LEF1: variants seen among roughly 807,000 people sequenced by gnomAD.
LEF1 encodes the protein lymphoid enhancer binding factor 1.
LEF1 carries 14 observed loss-of-function variants against 51.2 expected under a neutral mutation model. That is an observed-to-expected ratio of 0.27 (90% CI 0.18 to 0.43). LEF1 has a LOEUF of 0.43. Ranked by LOEUF, LEF1 falls within the 20% of genes least tolerant of loss-of-function variation. The pLI, the probability that LEF1 is intolerant of heterozygous loss-of-function variation, is 1.00. For synonymous variants in LEF1, 185 were observed against 183.2 expected, an observed-to-expected ratio of 1.01 and a Z score of -0.08; for missense variants, 386 against 512.0, an observed-to-expected ratio of 0.75 and a Z score of 2.37.
In LEF1 at chr4:108,147,259, T is replaced by TA. The variant is rs202246676; in HGVS notation, c.414+16308dup. 1.5e-3 allele frequency among the ~76,000 whole-genome samples: 222 copies of TA among 143,622 alleles called. No individual in the cohort carries two copies. The East Asian group carries it at 0.025, about 16-fold the overall frequency. The allele number at this position is 143,622 out of a possible 152,430, so 94.2% of individuals were successfully genotyped here. ...CACGAGATTAGCAACAATAGAAGCC[T>TA]AAAAAAAAAAAGTCTTTAAAAGGTT... is the stretch of plus-strand genomic sequence containing the variant. On this transcript the variant is annotated intron_variant, in intron 3 of 11. Coordinates refer to ENST00000265165, the MANE Select transcript of LEF1 (RefSeq NM_016269.5).
chr4:108,070,988 T>G, intron 8 of LEF1: 1 of 455,434 alleles, frequency 2.2e-6, no homozygotes, highest in Non-Finnish European at 3.9e-6. Flanking sequence ...TTCTCTGATA[T>G]CACATGAAAC....
At chr4:108,099,467 C>A (rs1740602660) in intron 3 of LEF1, among the ~76,000 whole-genome samples, 1 of 149,472 alleles carries the variant, frequency 6.7e-6, no homozygotes, top group African/African-American at 2.5e-5. Flanking sequence ...ATTTCAATAT[C>A]CCATACTGAG....
chr4:108,136,493 T>C (rs937520957), intron 3 of LEF1, among the ~76,000 whole-genome samples: 1 of 150,858 alleles, frequency 6.6e-6, no homozygotes, highest in African/African-American at 2.4e-5. Context: ...AAACTTTAGA[T>C]GCTTATGCTG....
intron 8 of LEF1, among the ~76,000 whole-genome samples, chr4:108,075,993 G>C (rs1738828404): frequency 6.8e-6 from 1 of 147,132 alleles, no homozygotes; most frequent in Admixed American, 7.0e-5. Flanking sequence ...CTGTTTGCCA[G>C]GACGGTCCCC....
At chr4:108,099,968 C>A (rs749817954) in intron 3 of LEF1, among the ~76,000 whole-genome samples, 86 of 152,200 alleles carry the variant, frequency 5.7e-4, no homozygotes, top group Non-Finnish European at 9.7e-4. Flanking sequence ...TTACAAGTTA[C>A]TGATGAACTC....
chr4:108,090,088 C>A (rs962503512), intron 3 of LEF1, among the ~76,000 whole-genome samples: 1 of 152,016 alleles, frequency 6.6e-6, no homozygotes, highest in Non-Finnish European at 1.5e-5. Context: ...TCAAGTGATT[C>A]TCCTGCCTCA....
chr4:108,162,541 T>C (rs1015624397), intron 3 of LEF1, among the ~76,000 whole-genome samples: 3 of 152,194 alleles, frequency 2.0e-5, no homozygotes, highest in Admixed American at 6.5e-5. Context: ...TGTTTGTGAC[T>C]GATTTTTTTC....
rs1033560487 is a variant in LEF1, at chr4:108,080,882, G to A, written c.722+704C>T. Among the ~76,000 whole-genome samples the A allele has an allele frequency of 1.7e-4, 26 of 151,952 alleles. 1 individual carries two copies. The highest frequency in any genetic ancestry group is 1.4e-3 in the Admixed American group (21 of 15,240). On this transcript the variant is annotated intron_variant, in intron 6 of 11. Transcript: ENST00000265165. Reference sequence around the variant, plus strand: ...CTAGCTCCCTTGACAAAGCCACATCGAACACACAGATGATGCACCCCAAAT... The same window carrying A: ...CTAGCTCCCTTGACAAAGCCACATCAAACACACAGATGATGCACCCCAAAT...
intron 8 of LEF1, among the ~76,000 whole-genome samples, chr4:108,077,179 AT>A (rs1277691540): frequency 8.0e-5 from 12 of 149,896 alleles, no homozygotes; most frequent in African/African-American, 2.2e-4. Context: ...TCTCTACAAA[AT>A]TTTTTTTTTT....
chr4:108,102,353 A>G (rs1740883795), intron 3 of LEF1, among the ~76,000 whole-genome samples: 1 of 152,212 alleles, frequency 6.6e-6, no homozygotes. Context: ...GCTAATCATT[A>G]CAACCTACAG....
At chr4:108,078,189 A>T in intron 8 of LEF1, 31 bp downstream of exon 8, 1 of 1,607,234 alleles carries the variant, frequency 6.2e-7, no homozygotes, top group Non-Finnish European at 8.5e-7. Flanking sequence ...CATGGCTACC[A>T]TGAACATTTA....
At position 108,099,570 on chromosome 4, in the gene LEF1, G is replaced by GTGTGTATA. The variant is rs1266681210; in HGVS notation, c.415-10314_415-10313insTATACACA. Among the ~76,000 whole-genome samples, 23 of 70,188 alleles carry GTGTGTATA rather than the reference G, an allele frequency of 3.3e-4. 1 individual carries two copies. The highest frequency in any genetic ancestry group is 3.8e-4 in the Non-Finnish European group (13 of 34,270). The allele number at this position is 70,188 out of a possible 152,430, so 46.0% of individuals were successfully genotyped here. On this transcript the variant is annotated intron_variant, in intron 3 of 11. Coordinates refer to ENST00000265165, the MANE Select transcript of LEF1 (RefSeq NM_016269.5). ...TGTGTGTGTGTATGTGTGTGTGTGT[G>GTGTGTATA]TATATATATATATATATATATATAT...
intron 9 of LEF1, among the ~76,000 whole-genome samples, chr4:108,067,948 G>A (rs1292571198): frequency 2.0e-5 from 3 of 151,944 alleles, no homozygotes; most frequent in Non-Finnish European, 4.4e-5. Flanking sequence ...GCTCAGGGGT[G>A]AAAATTCTTC....
intron 11 of LEF1, among the ~76,000 whole-genome samples, chr4:108,056,242 G>A (rs1737296263): frequency 6.6e-6 from 1 of 152,220 alleles, no homozygotes; most frequent in South Asian, 2.1e-4. Context: ...AGAACTGAGA[G>A]AGTCAATCTG....
At chr4:108,067,716 T>C (rs1738172931) in intron 9 of LEF1, among the ~76,000 whole-genome samples, 1 of 151,870 alleles carries the variant, frequency 6.6e-6, no homozygotes. Flanking sequence ...TTTTAGTAGA[T>C]ACAGGATTTC....
chr4:108,132,366 T>C (rs368800864), intron 3 of LEF1, among the ~76,000 whole-genome samples: 2 of 152,098 alleles, frequency 1.3e-5, no homozygotes, highest in African/African-American at 4.8e-5. Context: ...TGTCTTGGCA[T>C]CCCAATTAGA....
intron 3 of LEF1, among the ~76,000 whole-genome samples, chr4:108,157,177 TATACAC>T (rs1398710109): frequency 2.9e-4 from 26 of 89,370 alleles, no homozygotes; most frequent in East Asian, 7.5e-4. Flanking sequence ...TCTATATATA[TATACAC>T]ACACACACAC....
chr4:108,089,316 C>A, intron 3 of LEF1, 59 bp from the exon 4 acceptor site: 1 of 1,560,098 alleles, frequency 6.4e-7, no homozygotes, highest in Non-Finnish European at 8.7e-7. Flanking sequence ...GTCTTTTCTC[C>A]CAAAGAAAAA....
At chr4:108,061,272 G>C (rs1461397139) in intron 11 of LEF1, among the ~76,000 whole-genome samples, 1 of 152,118 alleles carries the variant, frequency 6.6e-6, no homozygotes, top group Non-Finnish European at 1.5e-5. Context: ...AGGATAGAGA[G>C]AACATCTTAA....
Sources: allele counts gnomAD v4.1 joint callset (sites outside exome capture counted in the v4.1 genomes callset), GRCh38; gene constraint gnomAD v4.1.1; transcripts MANE v1.5; gene names NCBI Gene and HGNC (gene_info 2026-07-23, HGNC 2026-07-21).